Variants in DDX60 observed in about 807,000 individuals in gnomAD.
The protein encoded by DDX60 is DExD/H-box helicase 60.
Under a neutral mutation model 212.8 loss-of-function variants are expected in DDX60, and 165 were observed. The observed-to-expected ratio is 0.78, with a 90% CI of 0.68 to 0.88. DDX60 has a LOEUF of 0.88. Among genes scored for constraint, DDX60 ranks in the 40% least tolerant of loss-of-function variants. The pLI is 0.00. For synonymous variants in DDX60, 703 were observed against 685.3 expected (o/e 1.03, Z -0.40); for missense variants, 1,905 against 2,003.9 (o/e 0.95, Z 0.94).
At chr4:168,320,665 A>G (rs1297994060), upstream of DDX60, among the ~76,000 whole-genome samples, 1 of 152,222 alleles carries the variant, frequency 6.6e-6, no homozygotes, top group African/African-American at 2.4e-5. Flanking sequence ...AATGAATAAC[A>G]TATTTGCAAA....
At chr4:168,284,333 T>C (rs559846461) in intron 12 of DDX60, among the ~76,000 whole-genome samples, 8 of 152,246 alleles carry the variant, frequency 5.3e-5, no homozygotes, top group African/African-American at 1.4e-4. Flanking sequence ...GGGGTAAGCA[T>C]AGGGATACAG....
intron 29 of DDX60, among the ~76,000 whole-genome samples, chr4:168,247,614 C>T (rs557227316): frequency 6.6e-6 from 1 of 152,186 alleles, no homozygotes; most frequent in South Asian, 2.1e-4. Flanking sequence ...GTCTGCAGGA[C>T]GTGGTAGAAT....
intron 22 of DDX60, among the ~76,000 whole-genome samples, chr4:168,264,636 G>C (rs1177441534): frequency 6.6e-6 from 1 of 152,162 alleles, no homozygotes; most frequent in Non-Finnish European, 1.5e-5. Context: ...AATTCTGCCT[G>C]TGACATAGAT....
Position 168,237,279 on chromosome 4 carries a change from A to G in DDX60, c.4411+7T>C, listed in dbSNP as rs1179255321. 2 of 1,523,760 alleles carry G rather than the reference A, an allele frequency of 1.3e-6. No homozygotes were observed. The highest frequency in any genetic ancestry group is 1.8e-6 in the Non-Finnish European group (2 of 1,135,676). The allele number at this position is 1,523,760 out of a possible 1,614,324, so 94.4% of individuals were successfully genotyped here. The stretch of plus-strand genomic sequence containing the variant: ...CTCTACATATATATATAAAATCTCA[A>G]GCTTACCTTTCCTGGTTGGCTGACA... On this transcript the variant is annotated splice_region_variant and intron_variant, in intron 32 of 37. Transcript: ENST00000393743.
At chr4:168,262,160 A>G (rs774517538) in intron 23 of DDX60, 32 bp from the exon 24 acceptor site, 1 of 1,561,102 alleles carries the variant, frequency 6.4e-7, no homozygotes, top group East Asian at 2.3e-5. Flanking sequence ...ATTAGGCACA[A>G]TCATGCAAGA....
At chr4:168,284,658 G>T (rs556630704) in intron 12 of DDX60, among the ~76,000 whole-genome samples, 162 bp downstream of exon 12, 1 of 152,102 alleles carries the variant, frequency 6.6e-6, no homozygotes, top group Non-Finnish European at 1.5e-5. Flanking sequence ...AAGAGAGAGA[G>T]AATTTTTCAT....
chr4:168,232,832 A>T (rs1193768083), intron 33 of DDX60, among the ~76,000 whole-genome samples: 3 of 152,136 alleles, frequency 2.0e-5, no homozygotes, highest in African/African-American at 7.2e-5. Context: ...CCCAAAAGCA[A>T]ATGCAACAAA....
chr4:168,275,874 T>C lies in DDX60; in HGVS notation c.2145+141A>G, dbSNP rs528922166. 1.3e-5 allele frequency: 9 copies of C among 670,238 alleles called. No individual in the cohort carries two copies. In the South Asian group the frequency reaches 2.9e-4, roughly 22 times the overall value. The allele number at this position is 670,238 out of a possible 1,614,324, so 41.5% of individuals were successfully genotyped here. A position where few individuals can be genotyped will look rare whatever the true frequency, so the allele number is the denominator to read the frequency against. On this transcript the variant is annotated intron_variant, in intron 15 of 37. Coordinates refer to ENST00000393743, the MANE Select transcript of DDX60 (RefSeq NM_017631.6). ...TTTCTCATTATGTATTACTTCAAGA[T>C]TGGGCAGTTGGGTTACTACTAATAA...
chr4:168,325,334 T>C, the DDX60 span, among the ~76,000 whole-genome samples: 1 of 152,252 alleles, frequency 6.6e-6, no homozygotes, highest in African/African-American at 2.4e-5. Flanking sequence ...GCCCAGATAA[T>C]TGCATGCTTT....
chr4:168,309,371 C>T lies in DDX60; in HGVS notation c.75-1176G>A, dbSNP rs61264533. Among the ~76,000 whole-genome samples, 31 of 152,260 alleles carry T rather than the reference C, an allele frequency of 2.0e-4. No individual in the cohort carries two copies. In the South Asian group the frequency reaches 5.8e-3, roughly 28 times the overall value. Reference sequence around the variant, plus strand: ...GCCTGATGTGTGTCATAGATTGATGCTTGCAGCTATAGTTGCCCACCACTT... The same window carrying T: ...GCCTGATGTGTGTCATAGATTGATGTTTGCAGCTATAGTTGCCCACCACTT... On this transcript the variant is annotated intron_variant, in intron 3 of 37. Transcript: ENST00000393743.
chr4:168,269,064 C>T (rs1195841224), intron 19 of DDX60, 95 bp from the exon 20 acceptor site: 4 of 621,210 alleles, frequency 6.4e-6, no homozygotes, highest in Non-Finnish European at 1.1e-5. Flanking sequence ...GTCATGCATG[C>T]CTTCCCATCG....
rs185996143 is a variant in DDX60, at chr4:168,229,279, G to A, written c.4534-3603C>T. 4.6e-5 allele frequency among the ~76,000 whole-genome samples: 7 copies of A among 152,240 alleles called. No homozygotes were observed. The East Asian group carries it at 1.2e-3, about 25-fold the overall frequency. On this transcript the variant is annotated intron_variant, in intron 33 of 37. Coordinates refer to ENST00000393743, the MANE Select transcript of DDX60 (RefSeq NM_017631.6). ...GTTCCAGATCATGGGAGAAGGATCT[G>A]GAATTGAGACAAATTTAGAGAGCCA...
chr4:168,308,252 A>C, intron 3 of DDX60, 57 bp from the exon 4 acceptor site: 1 of 1,048,988 alleles, frequency 9.5e-7, no homozygotes, highest in Non-Finnish European at 1.4e-6. Context: ...ATGTTCCAAA[A>C]AGGCATCGTT....
chr4:168,262,232 A>G (rs1266406096), intron 23 of DDX60, 104 bp from the exon 24 acceptor site: 18 of 1,294,696 alleles, frequency 1.4e-5, no homozygotes, highest in Non-Finnish European at 1.8e-5. Context: ...TCTTGAGCAC[A>G]GAGATGGTTA....
At chr4:168,256,456 A>C (rs1734416233) in intron 25 of DDX60, among the ~76,000 whole-genome samples, 1 of 152,132 alleles carries the variant, frequency 6.6e-6, no homozygotes, top group Non-Finnish European at 1.5e-5. Flanking sequence ...GAATATAGTG[A>C]TCCATACTTC....
chr4:168,306,636 T>C lies in DDX60; in HGVS notation c.349A>G (p.Ile117Val), dbSNP rs114673603. ...LILHLQKNTT[I>V]DVRTTFSRCL... is the part of the protein sequence containing the mutation. ...CTCGAAAATGTTGTTCGAACATCAA[T>C]GGTGGTATTCTTCTGAAGATGAAGA... The change falls in exon 5 of 38, where the codon ATT becomes GTT. Residue 117 changes from isoleucine (I) to valine (V), a missense_variant. Ile to Val is a conservative substitution (Grantham distance 29). Coordinates refer to ENST00000393743, the MANE Select transcript of DDX60 (RefSeq NM_017631.6). 18,472 of 1,614,130 alleles carry C rather than the reference T, an allele frequency of 0.011. 134 individuals are homozygous for C. Among genetic ancestry groups the C allele is most frequent in the Non-Finnish European group, 0.014 (15,982 of 1,179,972 alleles).
intron 4 of DDX60, among the ~76,000 whole-genome samples, chr4:168,307,755 C>A (rs556738738): frequency 4.6e-5 from 7 of 152,152 alleles, no homozygotes; most frequent in Non-Finnish European, 1.0e-4. Context: ...TATTGAGGAG[C>A]TTTCTCATCC....
At position 168,273,291 on chromosome 4, in the gene DDX60, G is replaced by A. The variant is rs921489664; in HGVS notation, c.2562C>T (p.Ala854=). Residue 854 remains alanine (A), a synonymous_variant, in exon 18 of 38, where the codon GCC becomes GCT. Transcript: ENST00000393743. ...GVFTREYRHD[A]LNCQVLITVP... Reference sequence around the variant, plus strand: ...TAAAATACCCTACCTGACAGTTTAAGGCATCATGACGATACTCCCTGGTGA... The same window carrying A: ...TAAAATACCCTACCTGACAGTTTAAAGCATCATGACGATACTCCCTGGTGA... 1 of 1,613,482 alleles carries A rather than the reference G, an allele frequency of 6.2e-7. No homozygotes were observed. The highest frequency in any genetic ancestry group is 1.7e-5 in the Admixed American group (1 of 59,966).
chr4:168,297,348 AAGAAAG>A (rs1560870325), intron 6 of DDX60, among the ~76,000 whole-genome samples: 1 of 102,484 alleles, frequency 9.8e-6, no homozygotes, highest in Non-Finnish European at 1.9e-5. Context: ...GAAAGAAAGA[AAGAAAG>A]AAAGAAAGAA....
Sources: allele counts gnomAD v4.1 joint callset (sites outside exome capture counted in the v4.1 genomes callset), GRCh38; gene constraint gnomAD v4.1.1; transcripts MANE v1.5; gene names NCBI Gene and HGNC (gene_info 2026-07-23, HGNC 2026-07-21).